The following LZTFL1 variants were observed in gnomAD, a reference collection of about 807,000 sequenced individuals.
The protein encoded by LZTFL1 is leucine zipper transcription factor-like protein 1.
In LZTFL1, 25 loss-of-function variants were observed where a neutral mutation model predicts 45.9. That is an observed-to-expected ratio of 0.54 (90% confidence interval 0.40 to 0.76). The LOEUF is 0.76. Among genes scored for constraint, LZTFL1 ranks in the 30% least tolerant of loss-of-function variants. The pLI is 0.00. For synonymous variants in LZTFL1, 93 were observed against 117.4 expected (o/e 0.79, Z 1.35); for missense variants, 277 against 331.1 (o/e 0.84, Z 1.27).
intron 3 of LZTFL1, chr3:45,834,583 A>G (rs1488877360): frequency 4.0e-6 from 1 of 251,360 alleles, no homozygotes; most frequent in East Asian, 7.4e-5. Flanking sequence ...AGGAAAATTT[A>G]TAGTCAACTT....
At chr3:45,904,188 G>A (rs1464073072) in intron 2 of LZTFL1, among the ~76,000 whole-genome samples, 1 of 152,162 alleles carries the variant, frequency 6.6e-6, no homozygotes, top group Non-Finnish European at 1.5e-5. Context: ...GTGTGGGGTA[G>A]GAACAATATA....
At chr3:45,836,199 C>T (rs1012825365) in intron 2 of LZTFL1, among the ~76,000 whole-genome samples, 5 of 152,112 alleles carry the variant, frequency 3.3e-5, no homozygotes, top group Non-Finnish European at 5.9e-5. Context: ...GAACTATTCA[C>T]AGGTTAGTAA....
intron 5 of LZTFL1, 136 bp from the exon 6 acceptor site, chr3:45,831,274 G>A (rs1700808547): frequency 1.1e-5 from 6 of 556,604 alleles, no homozygotes; most frequent in African/African-American, 5.8e-5. Flanking sequence ...TGATATTTTG[G>A]TAATATCCCA....
At chr3:45,851,562 A>G (rs1701310558) in intron 4 of LZTFL1, among the ~76,000 whole-genome samples, 1 of 152,066 alleles carries the variant, frequency 6.6e-6, no homozygotes, top group Admixed American at 6.5e-5. Context: ...CTTCTAGCCC[A>G]TCAGTCCTTC....
chr3:45,908,849 G>C (rs1350194305), intron 2 of LZTFL1, among the ~76,000 whole-genome samples: 2 of 152,026 alleles, frequency 1.3e-5, no homozygotes, highest in African/African-American at 4.8e-5. Context: ...CCAACCCCTG[G>C]GCCACAGACC....
intron 2 of LZTFL1, chr3:45,883,775 G>T: frequency 1.8e-6 from 1 of 567,338 alleles, no homozygotes; most frequent in Non-Finnish European, 3.2e-6. Flanking sequence ...CATGAACACA[G>T]TCAGGAACAA....
chr3:45,885,854 A>G (rs1701967933), intron 2 of LZTFL1, among the ~76,000 whole-genome samples: 1 of 152,162 alleles, frequency 6.6e-6, no homozygotes, highest in African/African-American at 2.4e-5. Flanking sequence ...CTGGGACTAC[A>G]GGCATGGGCC....
At chr3:45,892,182 T>C (rs958060892) in intron 2 of LZTFL1, among the ~76,000 whole-genome samples, 1 of 152,222 alleles carries the variant, frequency 6.6e-6, no homozygotes, top group African/African-American at 2.4e-5. Flanking sequence ...GAAACACACA[T>C]ACATATACAT....
intron 2 of LZTFL1, among the ~76,000 whole-genome samples, chr3:45,887,665 A>C (rs1262208644): frequency 6.6e-6 from 1 of 152,222 alleles, no homozygotes; most frequent in Admixed American, 6.5e-5. Flanking sequence ...TTACTATTTC[A>C]GCATCTGGAA....
intron 2 of LZTFL1, among the ~76,000 whole-genome samples, chr3:45,837,081 T>A (rs1700985075): frequency 6.6e-6 from 1 of 152,206 alleles, no homozygotes; most frequent in Admixed American, 6.5e-5. Flanking sequence ...TAAAGCATTA[T>A]CATAGTTAAA....
At chr3:45,882,791 G>T (rs1701883436) in intron 2 of LZTFL1, among the ~76,000 whole-genome samples, 1 of 122,462 alleles carries the variant, frequency 8.2e-6, no homozygotes. Context: ...TAACCCAAAG[G>T]GGATACTATT....
rs560639854 is a variant in LZTFL1 at position 45,877,990 on chromosome 3, C to A, written c.-214-18974G>T. 2.4e-4 allele frequency among the ~76,000 whole-genome samples: 36 copies of A among 152,286 alleles called. No individual in the cohort carries two copies. In the South Asian group the frequency reaches 2.9e-3, roughly 12 times the overall value. On this transcript the variant is annotated intron_variant, in intron 2 of 4. Coordinates refer to the LZTFL1 transcript ENST00000472635. Reference sequence around the variant, plus strand: ...CAAACTCTTGGCCTCAAATGATCCACCCGCCTCAGCCTCCCAAAGTGTTGG... The same window carrying A: ...CAAACTCTTGGCCTCAAATGATCCAACCGCCTCAGCCTCCCAAAGTGTTGG...
intron 2 of LZTFL1, among the ~76,000 whole-genome samples, chr3:45,896,351 G>A (rs1197751971): frequency 6.6e-6 from 1 of 152,210 alleles, no homozygotes; most frequent in Admixed American, 6.5e-5. Flanking sequence ...GCTCTTGTCA[G>A]AGGAGTCTGG....
chr3:45,894,773 C>T, intron 2 of LZTFL1: 1 of 683,070 alleles, frequency 1.5e-6, no homozygotes, highest in Non-Finnish European at 2.6e-6. Flanking sequence ...ACTATATAGA[C>T]TCTAACTCCT....
At chr3:45,871,502 A>G (rs1244025928) in intron 2 of LZTFL1, among the ~76,000 whole-genome samples, 1 of 152,208 alleles carries the variant, frequency 6.6e-6, no homozygotes, top group African/African-American at 2.4e-5. Context: ...TGTACATTTG[A>G]AAAATATGTG....
intron 2 of LZTFL1, among the ~76,000 whole-genome samples, chr3:45,884,333 T>A (rs568858619): frequency 9.9e-5 from 15 of 151,284 alleles, no homozygotes; most frequent in African/African-American, 3.6e-4. Context: ...GCAAAGGGAG[T>A]CACATTTGCA....
chr3:45,894,463 G>T (rs529304966), intron 2 of LZTFL1, among the ~76,000 whole-genome samples: 3 of 152,124 alleles, frequency 2.0e-5, no homozygotes, highest in Non-Finnish European at 4.4e-5. Context: ...TGTTAGCTTC[G>T]GTGAGTCCCT....
At chr3:45,845,850 G>A (rs953537726), upstream of LZTFL1, among the ~76,000 whole-genome samples, 2 of 152,180 alleles carry the variant, frequency 1.3e-5, no homozygotes, top group Non-Finnish European at 2.9e-5. Context: ...GAATAGCTGT[G>A]TTCATGACTG....
At chr3:45,895,762 T>G (rs1182023077) in intron 2 of LZTFL1, among the ~76,000 whole-genome samples, 1 of 152,180 alleles carries the variant, frequency 6.6e-6, no homozygotes, top group Non-Finnish European at 1.5e-5. Context: ...CAGAGAATCT[T>G]TTTTTCTTTT....
Sources: allele counts gnomAD v4.1 joint callset (sites outside exome capture counted in the v4.1 genomes callset), GRCh38; gene constraint gnomAD v4.1.1; transcripts MANE v1.5; gene names NCBI Gene and HGNC (gene_info 2026-07-23, HGNC 2026-07-21).